RPIA: variants seen among roughly 807,000 people sequenced by gnomAD.
RPIA encodes the protein ribose 5-phosphate isomerase A.
In RPIA, 29 loss-of-function variants were observed where a neutral mutation model predicts 37.8. The observed-to-expected ratio is 0.77, with a 90% CI of 0.57 to 1.05. RPIA has a LOEUF of 1.05. Among genes scored for constraint, RPIA ranks in the 50% least tolerant of loss-of-function variants. The pLI is 0.00. For synonymous variants in RPIA, 167 were observed against 157.0 expected, an observed-to-expected ratio of 1.06 and a Z score of -0.48; for missense variants, 385 against 413.6, an observed-to-expected ratio of 0.93 and a Z score of 0.60.
chr2:88,743,062 T>G (rs952948947), intron 8 of RPIA, among the ~76,000 whole-genome samples: 4 of 152,106 alleles, frequency 2.6e-5, no homozygotes, highest in African/African-American at 9.7e-5. Context: ...GGCTAGGGCT[T>G]CAATAGTATG....
intron 3 of RPIA, among the ~76,000 whole-genome samples, chr2:88,720,929 A>G (rs923152980): frequency 6.6e-6 from 1 of 152,322 alleles, no homozygotes; most frequent in East Asian, 1.9e-4. Context: ...TGTTTATTGC[A>G]GCACTATTCA....
chr2:88,728,236 ATTT>A (rs1350686223), intron 3 of RPIA, among the ~76,000 whole-genome samples: 2 of 152,118 alleles, frequency 1.3e-5, no homozygotes, highest in East Asian at 3.8e-4. Flanking sequence ...TTAAAAGTAT[ATTT>A]TTTAGTTTGT....
chr2:88,700,503 T>C (rs931024214), intron 3 of RPIA, among the ~76,000 whole-genome samples: 1 of 152,014 alleles, frequency 6.6e-6, no homozygotes, highest in Non-Finnish European at 1.5e-5. Flanking sequence ...AATACAAAAA[T>C]TAGCTGGGTG....
intron 8 of RPIA, among the ~76,000 whole-genome samples, chr2:88,744,873 T>A (rs1301506840): frequency 1.3e-5 from 2 of 152,184 alleles, no homozygotes; most frequent in African/African-American, 4.8e-5. Flanking sequence ...TTACAGTAAG[T>A]TTATGTGAAT....
intron 8 of RPIA, 106 bp from the exon 9 acceptor site, chr2:88,749,875 G>T: frequency 1.4e-6 from 1 of 735,338 alleles, no homozygotes; most frequent in South Asian, 1.5e-5. Flanking sequence ...TTTGTCATTC[G>T]TCCAATGCTG....
At chr2:88,747,211 C>T (rs1673448265) in intron 8 of RPIA, among the ~76,000 whole-genome samples, 1 of 152,096 alleles carries the variant, frequency 6.6e-6, no homozygotes, top group Non-Finnish European at 1.5e-5. Context: ...CTGCGTCATA[C>T]AGGCTGCCAG....
chr2:88,697,909 T>C (rs1672775552), intron 1 of RPIA, among the ~76,000 whole-genome samples: 1 of 152,122 alleles, frequency 6.6e-6, no homozygotes, highest in African/African-American at 2.4e-5. Flanking sequence ...TGATGTGTCT[T>C]GTGGTGCTAC....
chr2:88,737,848 A>G (rs972610389), intron 7 of RPIA, 129 bp from the exon 8 acceptor site: 10 of 714,654 alleles, frequency 1.4e-5, no homozygotes, highest in African/African-American at 1.1e-4. Flanking sequence ...ACTTCACAGC[A>G]CACCTAGAAA....
intron 8 of RPIA, among the ~76,000 whole-genome samples, chr2:88,744,309 AG>A (rs1442770104): frequency 6.6e-6 from 1 of 152,186 alleles, no homozygotes; most frequent in East Asian, 1.9e-4. Context: ...GTATTTGTAT[AG>A]TTTTGAGGGT....
chr2:88,725,870 G>A (rs553886084), intron 3 of RPIA, among the ~76,000 whole-genome samples: 3 of 152,328 alleles, frequency 2.0e-5, no homozygotes, highest in Non-Finnish European at 4.4e-5. Flanking sequence ...GAGAGTTGGA[G>A]AACTTGCTGA....
rs376034379 is a variant in RPIA, at chr2:88,735,641, C to T, written c.528-28C>T. 3.7e-6 allele frequency: 6 copies of T among 1,611,386 alleles called. No individual in the cohort carries two copies. In the South Asian group the frequency reaches 6.6e-5, roughly 18 times the overall value. Reference sequence around the variant, plus strand: ...CCCAAACTGAGATTTTTGTCTTACTCCTGTGTTCCTTTGCTTCTTTCCTGC... The same window carrying T: ...CCCAAACTGAGATTTTTGTCTTACTTCTGTGTTCCTTTGCTTCTTTCCTGC... On this transcript the variant is annotated intron_variant, in intron 5 of 8. Coordinates refer to ENST00000283646, the MANE Select transcript of RPIA (RefSeq NM_144563.3).
chr2:88,711,081 C>G (rs1414550671), intron 3 of RPIA, among the ~76,000 whole-genome samples: 1 of 152,250 alleles, frequency 6.6e-6, no homozygotes, highest in Non-Finnish European at 1.5e-5. Context: ...GGAATCTCCT[C>G]TGACCCTTCC....
intron 8 of RPIA, among the ~76,000 whole-genome samples, chr2:88,742,612 A>G (rs1385726940): frequency 1.3e-5 from 2 of 152,170 alleles, no homozygotes; most frequent in Admixed American, 6.5e-5. Flanking sequence ...TGGGAATGGC[A>G]TTGCATTTGT....
At chr2:88,701,388 T>A (rs1317183783) in intron 3 of RPIA, among the ~76,000 whole-genome samples, 1 of 152,172 alleles carries the variant, frequency 6.6e-6, no homozygotes, top group East Asian at 1.9e-4. Flanking sequence ...AGTATTTTTA[T>A]TTCTTAGTTA....
intron 3 of RPIA, among the ~76,000 whole-genome samples, chr2:88,705,071 C>T (rs538890098): frequency 1.3e-5 from 2 of 151,824 alleles, no homozygotes; most frequent in African/African-American, 4.8e-5. Flanking sequence ...AATGAGAGGA[C>T]ACAAATGGGA....
At chr2:88,727,225 C>T (rs1005598005) in intron 3 of RPIA, among the ~76,000 whole-genome samples, 1 of 152,176 alleles carries the variant, frequency 6.6e-6, no homozygotes, top group Admixed American at 6.5e-5. Flanking sequence ...ATATCATCAC[C>T]TCCGCTTTGT....
At chr2:88,738,761 G>T (rs1673348431) in intron 8 of RPIA, among the ~76,000 whole-genome samples, 1 of 152,228 alleles carries the variant, frequency 6.6e-6, no homozygotes, top group Non-Finnish European at 1.5e-5. Flanking sequence ...GTTAAACACG[G>T]TGCTAAACGT....
At chr2:88,721,976 G>GT (rs56803756) in intron 3 of RPIA, among the ~76,000 whole-genome samples, 735 of 133,028 alleles carry the variant, frequency 5.5e-3, no homozygotes, top group Admixed American at 0.011. Flanking sequence ...ATCTATAAAA[G>GT]TTTTTTTTTT....
rs1676940550 is a variant in RPIA, at chr2:88,691,944, G to A, written c.246G>A (p.Lys82=). Residue 82 remains lysine (K), a synonymous_variant, in exon 1 of 9, where the codon AAG becomes AAA. Coordinates refer to ENST00000283646, the MANE Select transcript of RPIA (RefSeq NM_144563.3). ...PSTMSKAEEA[K]KLAGRAAVEN... ...CGATGTCCAAGGCCGAGGAGGCCAA[G>A]AAGCTGGCGGGCCGCGCGGCTGTGG... 6.3e-7 allele frequency: 1 copy of A among 1,598,878 alleles called. No individual in the cohort carries two copies. The highest frequency in any genetic ancestry group is 8.5e-7 in the Non-Finnish European group (1 of 1,173,468).
Sources: allele counts gnomAD v4.1 joint callset (sites outside exome capture counted in the v4.1 genomes callset), GRCh38; gene constraint gnomAD v4.1.1; transcripts MANE v1.5; gene names NCBI Gene and HGNC (gene_info 2026-07-23, HGNC 2026-07-21).